Variants in SLC13A3 observed in about 807,000 individuals in gnomAD.
SLC13A3 encodes Na(+)/dicarboxylate cotransporter 3.
SLC13A3 carries 40 observed loss-of-function variants against 59.0 expected under a neutral mutation model. That is an observed-to-expected ratio of 0.68 (90% CI 0.53 to 0.88). The LOEUF is 0.88. SLC13A3 is among the 40% of genes least tolerant of loss of function. SLC13A3 has a pLI of 0.00. For synonymous variants in SLC13A3, 317 were observed against 330.3 expected, an observed-to-expected ratio of 0.96 and a Z score of 0.44; for missense variants, 699 against 783.2, an observed-to-expected ratio of 0.89 and a Z score of 1.28.
In SLC13A3 at chr20:46,589,174, G is replaced by T; in HGVS notation, c.1002C>A (p.Asn334Lys). Reference sequence around the variant, plus strand: ...CCCCCACATACTTGATGGGCCCCAGGTTCTGGTATTCTTCCCGAATTACAG... The same window carrying T: ...CCCCCACATACTTGATGGGCCCCAGTTTCTGGTATTCTTCCCGAATTACAG... ...ARAVIREEYQ[N>K]LGPIKFAEQA... Residue 334 changes from asparagine (N) to lysine (K), a missense_variant, in exon 7 of 13, where the codon AAC becomes AAA. Asn to Lys is a moderately conservative substitution (Grantham distance 94). Transcript: ENST00000279027. The T allele has an allele frequency of 1.2e-6, 2 of 1,614,100 alleles. No homozygotes were observed. Among genetic ancestry groups the T allele is most frequent in the Non-Finnish European group, 1.7e-6 (2 of 1,179,974 alleles).
At chr20:46,573,626 C>T (rs1012204404) in intron 10 of SLC13A3, among the ~76,000 whole-genome samples, 11 of 152,134 alleles carry the variant, frequency 7.2e-5, no homozygotes, top group African/African-American at 1.4e-4. Flanking sequence ...CACTTCTTAT[C>T]GGCTATATGT....
chr20:46,658,066 C>A (rs1484666191), intron 1 of SLC13A3, among the ~76,000 whole-genome samples: 1 of 152,052 alleles, frequency 6.6e-6, no homozygotes, highest in Non-Finnish European at 1.5e-5. Context: ...TCTCCTGATA[C>A]CTCCCTGGCT....
intron 4 of SLC13A3, among the ~76,000 whole-genome samples, chr20:46,598,767 C>T (rs1380876384): frequency 6.6e-6 from 1 of 152,170 alleles, no homozygotes; most frequent in Non-Finnish European, 1.5e-5. Context: ...CTCATGATGT[C>T]CCACATGCTC....
At chr20:46,584,446 T>C (rs2062171992) in intron 8 of SLC13A3, 1 of 985,310 alleles carries the variant, frequency 1.0e-6, no homozygotes, top group Non-Finnish European at 1.2e-6. Context: ...AAACTCAGAT[T>C]GTTCTGGCTC....
chr20:46,655,289 A>G (rs920627330), upstream of SLC13A3, among the ~76,000 whole-genome samples: 1 of 150,860 alleles, frequency 6.6e-6, no homozygotes, highest in Non-Finnish European at 1.5e-5. Context: ...ATATACACAT[A>G]TATACACATA....
At chr20:46,612,932 G>A (rs2062514192) in intron 2 of SLC13A3, among the ~76,000 whole-genome samples, 1 of 152,062 alleles carries the variant, frequency 6.6e-6, no homozygotes, top group South Asian at 2.1e-4. Flanking sequence ...CATCATCTAG[G>A]CAGGTAAATA....
chr20:46,649,400 T>A (rs1316689706), intron 1 of SLC13A3, among the ~76,000 whole-genome samples: 1 of 152,186 alleles, frequency 6.6e-6, no homozygotes, highest in Non-Finnish European at 1.5e-5. Flanking sequence ...CCTCAAGTAG[T>A]AAATGCTCCC....
rs528492423 is a variant in SLC13A3, at chr20:46,614,140, A to G, written c.112-415T>C. Among the ~76,000 whole-genome samples the G allele has an allele frequency of 1.7e-4, 26 of 152,328 alleles. 1 individual carries two copies. The South Asian group carries it at 5.4e-3, about 32-fold the overall frequency. ...AGGAAGCCAATCCAGAGAGTGTCCC[A>G]TGAGAAGGTTACCACTGTGGACACC... On this transcript the variant is annotated intron_variant, in intron 1 of 12. Coordinates refer to ENST00000279027, the MANE Select transcript of SLC13A3 (RefSeq NM_022829.6).
intron 1 of SLC13A3, among the ~76,000 whole-genome samples, chr20:46,638,682 A>C (rs921390935): frequency 1.3e-5 from 2 of 152,204 alleles, no homozygotes; most frequent in African/African-American, 4.8e-5. Context: ...TTTAGGCCTC[A>C]GTTTCCTCAT....
At chr20:46,567,107 G>A (rs1360571159) in intron 10 of SLC13A3, among the ~76,000 whole-genome samples, 1 of 151,938 alleles carries the variant, frequency 6.6e-6, no homozygotes. Flanking sequence ...CATGAGAATC[G>A]CTTGAACCTG....
At chr20:46,676,543 CTG>C (rs1379275565) in intron 1 of SLC13A3, among the ~76,000 whole-genome samples, 3 of 151,916 alleles carry the variant, frequency 2.0e-5, no homozygotes, top group Admixed American at 1.3e-4. Context: ...GCACGAGCCA[CTG>C]CGCCCGGCCC....
chr20:46,644,072 T>C (rs2062871057), intron 1 of SLC13A3, among the ~76,000 whole-genome samples: 1 of 152,060 alleles, frequency 6.6e-6, no homozygotes, highest in Non-Finnish European at 1.5e-5. Context: ...AAAACATTGA[T>C]GACCAATGCC....
intron 1 of SLC13A3, among the ~76,000 whole-genome samples, chr20:46,677,017 G>A (rs551986129): frequency 6.6e-6 from 1 of 152,120 alleles, no homozygotes; most frequent in Non-Finnish European, 1.5e-5. Flanking sequence ...GGGTTCAAGC[G>A]ATTCTCCTGT....
intron 3 of SLC13A3, among the ~76,000 whole-genome samples, chr20:46,605,650 C>T (rs1209768083): frequency 6.6e-6 from 1 of 152,068 alleles, no homozygotes; most frequent in Non-Finnish European, 1.5e-5. Context: ...TCAAGAGGAC[C>T]CAATGGGTCA....
intron 1 of SLC13A3, among the ~76,000 whole-genome samples, chr20:46,642,553 T>C (rs905164308): frequency 2.0e-5 from 3 of 152,170 alleles, no homozygotes; most frequent in African/African-American, 7.2e-5. Flanking sequence ...GTTGGGAAGA[T>C]GACTCCTTGC....
intron 10 of SLC13A3, among the ~76,000 whole-genome samples, chr20:46,574,204 C>T (rs563835737): frequency 1.3e-5 from 2 of 152,304 alleles, no homozygotes; most frequent in East Asian, 3.9e-4. Context: ...CAATGGCTGG[C>T]ATGTGCAAAA....
intron 3 of SLC13A3, among the ~76,000 whole-genome samples, chr20:46,603,488 C>G (rs1452617320): frequency 6.6e-6 from 1 of 151,814 alleles, no homozygotes; most frequent in Non-Finnish European, 1.5e-5. Flanking sequence ...GATCCTCCCA[C>G]CTCAGCCTCC....
chr20:46,667,943 T>C (rs2063070414), intron 1 of SLC13A3, among the ~76,000 whole-genome samples: 1 of 152,216 alleles, frequency 6.6e-6, no homozygotes, highest in African/African-American at 2.4e-5. Context: ...TTGAAGTTAC[T>C]ATTGTAATTG....
chr20:46,593,517 T>A (rs1464590447), intron 5 of SLC13A3, among the ~76,000 whole-genome samples: 1 of 152,184 alleles, frequency 6.6e-6, no homozygotes, highest in East Asian at 1.9e-4. Flanking sequence ...AGTGGGATTC[T>A]AAGAGGTTTT....
Sources: gnomAD v4.1 joint callset for allele counts (sites outside exome capture counted in the v4.1 genomes callset) on GRCh38, gnomAD v4.1.1 for gene constraint, MANE v1.5 for transcripts, NCBI Gene and HGNC (gene_info 2026-07-23, HGNC 2026-07-21) for gene names.